ZNF385D: variants seen among roughly 807,000 people sequenced by gnomAD.
The protein encoded by ZNF385D is zinc finger protein 659.
ZNF385D carries 15 observed loss-of-function variants against 35.8 expected under a neutral mutation model. The observed-to-expected ratio is 0.42, with a 90% confidence interval of 0.28 to 0.64. The LOEUF is 0.64. ZNF385D is among the 30% of genes least tolerant of loss of function. The pLI, the probability that ZNF385D is intolerant of heterozygous loss-of-function variation, is 0.23. For missense variants in ZNF385D, 474 were observed against 494.6 expected, an observed-to-expected ratio of 0.96 and a Z score of 0.39; for synonymous variants, 212 against 186.8, an observed-to-expected ratio of 1.13 and a Z score of -1.10.
intron 2 of ZNF385D, among the ~76,000 whole-genome samples, chr3:21,587,866 A>C (rs552479513): frequency 2.0e-5 from 3 of 152,246 alleles, no homozygotes; most frequent in Admixed American, 2.0e-4. Flanking sequence ...AATGGGATAC[A>C]TATCTAAAGG....
rs2125757643 is a variant in ZNF385D, at chr3:22,168,881, G to C, written c.261C>G (p.Tyr87Ter). Residue 87 changes from tyrosine to a stop codon, truncating the protein, a stop_gained, in exon 3 of 6, where the codon TAC becomes TAG. Transcript: ENST00000494108. LOFTEE classifies it high-confidence loss of function. Reference sequence around the variant, plus strand: ...ATCTCTTTTGATGTGATTTGCCATTGTAGTGGATTTGTGCTTGAGCGGCTG... The same window carrying C: ...ATCTCTTTTGATGTGATTTGCCATTCTAGTGGATTTGTGCTTGAGCGGCTG... The C allele has an allele frequency of 1.0e-6, 1 of 985,836 alleles. No homozygotes were observed. The highest frequency in any genetic ancestry group is 1.1e-4 in the East Asian group (1 of 8,804). 61.1% of individuals were successfully genotyped at this position (985,836 alleles called of 1,614,324 possible). A position where few individuals can be genotyped will look rare whatever the true frequency, so the allele number is the denominator to read the frequency against.
Position 21,510,801 on chromosome 3 carries a change from A to G in ZNF385D, c.439+60T>C, listed in dbSNP as rs1707144944. On this transcript the variant is annotated intron_variant, in intron 4 of 7. Coordinates refer to ENST00000281523, the MANE Select transcript of ZNF385D (RefSeq NM_024697.3). ...TAAGTAAACAGACATGGGGCTAGAC[A>G]AGGGAGGGAATCCCCAACGACGACG... is the stretch of plus-strand genomic sequence containing the variant. The G allele has an allele frequency of 6.2e-6, 10 of 1,601,536 alleles. No individual in the cohort carries two copies. In the South Asian group the frequency reaches 1.0e-4, roughly 16 times the overall value.
At chr3:22,119,048 T>C (rs892065961) in intron 3 of ZNF385D, among the ~76,000 whole-genome samples, 1 of 152,114 alleles carries the variant, frequency 6.6e-6, no homozygotes, top group Non-Finnish European at 1.5e-5. Context: ...TGAATATTAA[T>C]TATCTTAAAT....
At chr3:22,152,863 C>G (rs370880697) in intron 3 of ZNF385D, among the ~76,000 whole-genome samples, 2 of 152,052 alleles carry the variant, frequency 1.3e-5, no homozygotes, top group Non-Finnish European at 2.9e-5. Flanking sequence ...TTATAAGGGT[C>G]CCTGTACTAT....
chr3:22,271,570 AT>A (rs1701178431), intron 2 of ZNF385D, among the ~76,000 whole-genome samples: 1 of 151,864 alleles, frequency 6.6e-6, no homozygotes, highest in African/African-American at 2.4e-5. Context: ...CATTCTCTTC[AT>A]ACCCTTAAGT....
chr3:21,979,044 A>G (rs1694239666), intron 3 of ZNF385D, among the ~76,000 whole-genome samples: 1 of 152,224 alleles, frequency 6.6e-6, no homozygotes, highest in African/African-American at 2.4e-5. Flanking sequence ...CTCAATGGAC[A>G]GGTGACACTT....
chr3:21,499,280 A>G (rs914334339), intron 4 of ZNF385D, among the ~76,000 whole-genome samples: 1 of 152,224 alleles, frequency 6.6e-6, no homozygotes, highest in African/African-American at 2.4e-5. Flanking sequence ...CATATACACC[A>G]TGGAATACTA....
Position 22,237,084 on chromosome 3 carries a change from T to C in ZNF385D, c.107-68049A>G, listed in dbSNP as rs11915997. Among the ~76,000 whole-genome samples, 1,230 of 152,322 alleles carry C rather than the reference T, an allele frequency of 8.1e-3. 15 individuals carry two copies. The highest frequency in any genetic ancestry group is 8.3e-3 in the Non-Finnish European group (565 of 68,032). On this transcript the variant is annotated intron_variant, in intron 2 of 5. Transcript: ENST00000494108. ...CATATAGTAACTCTGCATTTCCCTT[T>C]TTGAAGAACTGCCAAACTGATTTCC...
intron 3 of ZNF385D, among the ~76,000 whole-genome samples, chr3:21,883,185 T>A (rs1698366520): frequency 6.6e-6 from 1 of 151,938 alleles, no homozygotes. Flanking sequence ...TGGTAGCTTG[T>A]CTTCTCATCA....
intron 3 of ZNF385D, among the ~76,000 whole-genome samples, chr3:21,812,613 G>A (rs764107285): frequency 5.3e-5 from 8 of 152,202 alleles, no homozygotes; most frequent in Non-Finnish European, 8.8e-5. Flanking sequence ...ACAGCAGTCC[G>A]AGATCGAACT....
At chr3:22,157,446 CTTTT>C (rs967209686) in intron 3 of ZNF385D, among the ~76,000 whole-genome samples, 9 of 151,732 alleles carry the variant, frequency 5.9e-5, no homozygotes, top group African/African-American at 2.2e-4. Context: ...TTTCTTCTTT[CTTTT>C]TGTTGTTTTT....
At chr3:21,591,420 AC>A (rs2063973694) in intron 2 of ZNF385D, among the ~76,000 whole-genome samples, 1 of 152,180 alleles carries the variant, frequency 6.6e-6, no homozygotes, top group South Asian at 2.1e-4. Flanking sequence ...GCAAAATAGA[AC>A]AAAGTGAAAA....
intron 3 of ZNF385D, among the ~76,000 whole-genome samples, chr3:22,105,550 T>G (rs1702163453): frequency 6.6e-6 from 1 of 151,980 alleles, no homozygotes; most frequent in African/African-American, 2.4e-5. Context: ...GGAAAGCAGG[T>G]GGTGTAGTTT....
chr3:22,032,947 A>G (rs1201836921), intron 3 of ZNF385D, among the ~76,000 whole-genome samples: 3 of 152,288 alleles, frequency 2.0e-5, no homozygotes, highest in African/African-American at 4.8e-5. Flanking sequence ...GCTAGCAAAT[A>G]GTAGCATGAA....
intron 2 of ZNF385D, among the ~76,000 whole-genome samples, chr3:22,237,005 A>G (rs2035848): frequency 0.2 from 30,340 of 152,144 alleles, 3,787 homozygotes; most frequent in East Asian, 0.45. Context: ...ATGTATAAGA[A>G]TTTACGTGAA....
intron 2 of ZNF385D, among the ~76,000 whole-genome samples, chr3:21,569,205 T>G (rs1162125402): frequency 2.4e-3 from 340 of 141,848 alleles, no homozygotes; most frequent in Admixed American, 3.8e-3. Flanking sequence ...CTAAGTCTCT[T>G]TGTAGGTCAC....
rs181584077 is a variant in ZNF385D, at chr3:21,526,676, C to T, written c.277-15653G>A. Among the ~76,000 whole-genome samples, 214 of 152,134 alleles carry T rather than the reference C, an allele frequency of 1.4e-3. 2 individuals are homozygous for T. Among genetic ancestry groups the T allele is most frequent in the East Asian group, 5.0e-3 (26 of 5,176 alleles). ...GGGTGTAGAAGTGTCCGTTAGATTT[C>T]GCAACATGTATATTATTGGTAACTG... On this transcript the variant is annotated intron_variant, in intron 3 of 7. Coordinates refer to ENST00000281523, the MANE Select transcript of ZNF385D (RefSeq NM_024697.3).
At chr3:21,936,255 T>C (rs541429058) in intron 3 of ZNF385D, among the ~76,000 whole-genome samples, 18 of 152,206 alleles carry the variant, frequency 1.2e-4, no homozygotes, top group East Asian at 5.8e-4. Flanking sequence ...GGAGATGACA[T>C]AGAGTTTAAA....
At chr3:22,318,472 G>C (rs1397929174) in intron 2 of ZNF385D, among the ~76,000 whole-genome samples, 2 of 152,086 alleles carry the variant, frequency 1.3e-5, no homozygotes, top group African/African-American at 4.8e-5. Flanking sequence ...GAAAATTATG[G>C]AGCTGGAGAT....
Sources: allele counts gnomAD v4.1 joint callset (sites outside exome capture counted in the v4.1 genomes callset), GRCh38; gene constraint gnomAD v4.1.1; transcripts MANE v1.5; gene names NCBI Gene and HGNC (gene_info 2026-07-23, HGNC 2026-07-21).